The following HNRNPM variants were observed in gnomAD, a reference collection of about 807,000 sequenced individuals.
The protein encoded by HNRNPM is CEA receptor.
HNRNPM carries 11 observed loss-of-function variants against 73.1 expected under a neutral mutation model. The observed-to-expected ratio is 0.15, with a 90% confidence interval of 0.09 to 0.25. The LOEUF (loss-of-function observed/expected upper bound fraction) is 0.25, where lower values mean the gene tolerates loss of function less well. Among genes scored for constraint, HNRNPM ranks in the 10% least tolerant of loss-of-function variants. HNRNPM has a pLI of 1.00. For missense variants in HNRNPM, 789 were observed against 1,067.9 expected, an observed-to-expected ratio of 0.74 and a Z score of 3.64; for synonymous variants, 407 against 355.2, an observed-to-expected ratio of 1.15 and a Z score of -1.64.
At position 8,488,992 on chromosome 19, in the gene HNRNPM, T is replaced by C; in HGVS notation, c.*138T>C. 1 of 781,088 alleles carries C rather than the reference T, an allele frequency of 1.3e-6. No individual in the cohort carries two copies. Among genetic ancestry groups the C allele is most frequent in the East Asian group, 2.6e-5 (1 of 38,062 alleles). 48.4% of individuals were successfully genotyped at this position (781,088 alleles called of 1,614,324 possible). On this transcript the variant is annotated 3_prime_UTR_variant, in exon 16 of 16. Transcript: ENST00000325495. ...TTTTGGGGTAATTTGAATTACTTTT[T>C]TAATGACTGGGGTTCCATTTGACTG...
intron 1 of HNRNPM, 116 bp downstream of exon 1, chr19:8,445,227 G>T: frequency 1.1e-6 from 1 of 932,286 alleles, no homozygotes; most frequent in Non-Finnish European, 1.5e-6. Flanking sequence ...GGCCCCGGCT[G>T]TTCCCGTACC....
intron 1 of HNRNPM, among the ~76,000 whole-genome samples, chr19:8,446,429 A>G (rs1968191983): frequency 6.6e-6 from 1 of 152,142 alleles, no homozygotes; most frequent in Non-Finnish European, 1.5e-5. Context: ...TTTTTCTTTG[A>G]GACAGGGTCT....
rs956346287 is a variant in HNRNPM, at chr19:8,445,201, G to A, written c.113+90G>A. 3.4e-6 allele frequency: 4 copies of A among 1,165,102 alleles called. No homozygotes were observed. The African/African-American group carries it at 6.5e-5, about 19-fold the overall frequency. The allele number at this position is 1,165,102 out of a possible 1,614,324, so 72.2% of individuals were successfully genotyped here. On this transcript the variant is annotated intron_variant, in intron 1 of 15. Transcript: ENST00000325495. ...CTCCGTTAGGTCTGTTGGCGGCCTA[G>A]CCCCGGCGCGGCCTCGGCCCCGGCT... is the stretch of plus-strand genomic sequence containing the variant.
At chr19:8,477,660 CAA>C (rs35193948) in intron 12 of HNRNPM, among the ~76,000 whole-genome samples, 27 of 117,062 alleles carry the variant, frequency 2.3e-4, no homozygotes, top group African/African-American at 9.6e-4. Flanking sequence ...AACCCTGTCT[CAA>C]AAAAAAAAAA....
rs1371480883 is a variant in HNRNPM at position 8,462,731 on chromosome 19, AG to A, written c.336+154del. 1.4e-6 allele frequency: 1 copy of A among 712,916 alleles called. No individual in the cohort carries two copies. The highest frequency in any genetic ancestry group is 2.5e-6 in the Non-Finnish European group (1 of 400,806). 44.2% of individuals were successfully genotyped at this position (712,916 alleles called of 1,614,324 possible). On this transcript the variant is annotated intron_variant, in intron 3 of 15. Transcript: ENST00000325495. This position sits in a 1 kb window ranked among gnomAD's most constrained non-coding sequence, Gnocchi z 4.5. ...TTGCCAAACATTTGAGTGGGGTGGG[AG>A]GGGATTTGCAAATGGGAGTCCCGCT...
chr19:8,448,359 G>T (rs919784328), intron 1 of HNRNPM, among the ~76,000 whole-genome samples: 1 of 152,030 alleles, frequency 6.6e-6, no homozygotes, highest in African/African-American at 2.4e-5. Context: ...CAGAGTTAGG[G>T]TATAGTCAGG....
At position 8,450,724 on chromosome 19, in the gene HNRNPM, A is replaced by AT. The variant is rs1187609164; in HGVS notation, c.114-4679dup. Among the ~76,000 whole-genome samples the AT allele has an allele frequency of 6.8e-4, 31 of 45,874 alleles. 1 individual carries two copies. The highest frequency in any genetic ancestry group is 0.014 in the Middle Eastern group (1 of 74). The allele number at this position is 45,874 out of a possible 152,430, so 30.1% of individuals were successfully genotyped here. A position where few individuals can be genotyped will look rare whatever the true frequency, so the allele number is the denominator to read the frequency against. ...TTTAATTTAATTAATTATTATTATTATTATTTTTTTTTTTTTTGAGATGGA... is the reference window on the plus strand; with the variant it reads ...TTTAATTTAATTAATTATTATTATTATTTATTTTTTTTTTTTTTGAGATGGA... On this transcript the variant is annotated intron_variant, in intron 1 of 15. Coordinates refer to ENST00000325495, the MANE Select transcript of HNRNPM (RefSeq NM_005968.5).
intron 9 of HNRNPM, among the ~76,000 whole-genome samples, 181 bp from the exon 10 acceptor site, chr19:8,471,145 G>A (rs994312824): frequency 3.3e-5 from 5 of 151,708 alleles, no homozygotes; most frequent in Non-Finnish European, 5.9e-5. Flanking sequence ...CCCAAACGCC[G>A]GAACAAGGCT....
intron 12 of HNRNPM, 104 bp from the exon 13 acceptor site, chr19:8,483,054 T>C (rs1971032330): frequency 5.5e-6 from 4 of 724,416 alleles, no homozygotes; most frequent in Non-Finnish European, 7.3e-6. Flanking sequence ...CCCTTTATCT[T>C]GTCATTTTTA....
intron 2 of HNRNPM, among the ~76,000 whole-genome samples, chr19:8,460,218 T>C (rs1320628430): frequency 6.6e-6 from 1 of 152,208 alleles, no homozygotes; most frequent in Non-Finnish European, 1.5e-5. Context: ...TTGTACTGAC[T>C]ACATAAAATA....
chr19:8,479,171 C>T (rs559517094), intron 12 of HNRNPM, among the ~76,000 whole-genome samples: 1 of 148,080 alleles, frequency 6.8e-6, no homozygotes, highest in South Asian at 2.2e-4. Context: ...CTGCGGCCTC[C>T]ACCTCCCGGT....
intron 1 of HNRNPM, among the ~76,000 whole-genome samples, chr19:8,447,330 CAG>C (rs1968267275): frequency 1.3e-5 from 2 of 149,360 alleles, no homozygotes; most frequent in South Asian, 4.2e-4. Flanking sequence ...GCACTCCATG[CAG>C]AGTGGAGAGG....
At position 8,485,543 on chromosome 19, in the gene HNRNPM, G is replaced by C. The variant is rs899311968; in HGVS notation, c.1175-60G>C. 4.0e-6 allele frequency: 6 copies of C among 1,514,338 alleles called. No homozygotes were observed. The African/African-American group carries it at 8.2e-5, about 21-fold the overall frequency. The allele number at this position is 1,514,338 out of a possible 1,614,324, so 93.8% of individuals were successfully genotyped here. A position where few individuals can be genotyped will look rare whatever the true frequency, so the allele number is the denominator to read the frequency against. ...CCCATGAGCTGAAGTGGTCTGGCGT[G>C]TTGTGCACACGCACACTCAAGTTCT... On this transcript the variant is annotated intron_variant, in intron 13 of 15. Transcript: ENST00000325495.
chr19:8,483,587 T>TG (rs1210910681), intron 13 of HNRNPM, among the ~76,000 whole-genome samples: 8 of 152,170 alleles, frequency 5.3e-5, no homozygotes, highest in Admixed American at 2.6e-4. Context: ...GACTTGATGA[T>TG]AAGACTGAAA....
chr19:8,456,704 T>A (rs1471585537), intron 2 of HNRNPM, among the ~76,000 whole-genome samples: 1 of 152,188 alleles, frequency 6.6e-6, no homozygotes, highest in Non-Finnish European at 1.5e-5. Context: ...TCCCATCCCT[T>A]ATTTTGACCA....
At chr19:8,459,771 G>A (rs1043505932) in intron 2 of HNRNPM, among the ~76,000 whole-genome samples, 6 of 152,130 alleles carry the variant, frequency 3.9e-5, no homozygotes, top group Non-Finnish European at 8.8e-5. Flanking sequence ...TTCTTTTTGG[G>A]TTGCTCATCT....
At chr19:8,455,706 G>C in intron 2 of HNRNPM, 132 bp downstream of exon 2, 1 of 600,804 alleles carries the variant, frequency 1.7e-6, no homozygotes, top group Non-Finnish European at 2.9e-6. Context: ...TAAGAGTGAA[G>C]CCCCCTTACC....
chr19:8,445,193 G>C (rs1363370770), intron 1 of HNRNPM, 82 bp downstream of exon 1: 8 of 1,220,940 alleles, frequency 6.6e-6, no homozygotes, highest in Non-Finnish European at 8.5e-6. Context: ...AGGTCTGTTG[G>C]CGGCCTAGCC....
chr19:8,448,563 C>T (rs1043009407), intron 1 of HNRNPM, among the ~76,000 whole-genome samples: 2 of 150,860 alleles, frequency 1.3e-5, no homozygotes, highest in East Asian at 1.9e-4. Flanking sequence ...CTCCGTGAAC[C>T]GCTTCCCGGG....
Sources: allele counts gnomAD v4.1 joint callset (sites outside exome capture counted in the v4.1 genomes callset), GRCh38; gene constraint gnomAD v4.1.1; non-coding constraint Gnocchi (gnomAD v3.1); transcripts MANE v1.5; gene names NCBI Gene and HGNC (gene_info 2026-07-23, HGNC 2026-07-21).